WDR49: variants seen among roughly 807,000 people sequenced by gnomAD.
WDR49 encodes WD repeat domain 49.
In WDR49, 107 loss-of-function variants were observed where a neutral mutation model predicts 119.5. That is an observed-to-expected ratio of 0.90 (90% CI 0.77 to 1.05). WDR49 has a LOEUF of 1.05. WDR49 is among the 50% of genes least tolerant of loss of function. The probability of loss-of-function intolerance (pLI) is 0.00; values close to 1 mark genes in which losing one functional copy is unlikely to be tolerated. For missense variants in WDR49, 1,240 were observed against 1,220.5 expected (o/e 1.02, Z -0.24); for synonymous variants, 425 against 418.8 (o/e 1.01, Z -0.18).
At chr3:167,651,702 A>T (rs1440984280) in intron 2 of WDR49, among the ~76,000 whole-genome samples, 1 of 152,044 alleles carries the variant, frequency 6.6e-6, no homozygotes, top group African/African-American at 2.4e-5. Flanking sequence ...TTGGTCCATT[A>T]GTTCCTGCTT....
chr3:167,565,395 AC>A (rs1713536125), intron 8 of WDR49, among the ~76,000 whole-genome samples: 3 of 140,266 alleles, frequency 2.1e-5, no homozygotes, highest in African/African-American at 5.5e-5. Context: ...ACACACACAC[AC>A]ACACACACAC....
At chr3:167,527,543 T>G (rs1464174336) in intron 15 of WDR49, among the ~76,000 whole-genome samples, 4 of 152,100 alleles carry the variant, frequency 2.6e-5, no homozygotes, top group Non-Finnish European at 5.9e-5. Context: ...TTGAAGAAAT[T>G]TATTCTAGAG....
At chr3:167,505,177 G>A (rs1392681617) in intron 17 of WDR49, 130 bp downstream of exon 17, 6 of 1,175,162 alleles carry the variant, frequency 5.1e-6, no homozygotes, top group Non-Finnish European at 6.4e-6. Context: ...TGTTAAATGG[G>A]GTTCACAGAA....
Position 167,602,123 on chromosome 3 carries a change from T to C in WDR49, c.1275+4A>G. The C allele has an allele frequency of 6.3e-7, 1 of 1,584,098 alleles. No homozygotes were observed. Among genetic ancestry groups the C allele is most frequent in the Non-Finnish European group, 8.6e-7 (1 of 1,158,240 alleles). On this transcript the variant is annotated splice_donor_region_variant and intron_variant, in intron 7 of 18. Coordinates refer to ENST00000682715, the MANE Select transcript of WDR49 (RefSeq NM_001366157.1). ...AAATTAATTAAAAGCACAATGTTAC[T>C]TACTTTATCCTTGGAGAAGCTGAAA...
intron 16 of WDR49, among the ~76,000 whole-genome samples, chr3:167,513,166 T>C (rs1752053203): frequency 6.6e-6 from 1 of 151,736 alleles, no homozygotes. Context: ...CTTTCCAAGG[T>C]TAACATGAAG....
rs117504833 is a variant in WDR49 at position 167,628,991 on chromosome 3, C to T, written c.166-1699G>A. Among the ~76,000 whole-genome samples the T allele has an allele frequency of 0.01, 1,533 of 152,206 alleles. 84 individuals are homozygous for T. The East Asian group carries it at 0.14, about 14-fold the overall frequency. Reference sequence around the variant, plus strand: ...TGCTAAATCTGGCTGGGCACAGTGGCTCATGCCTATAATCCCAGAACTTTG... The same window carrying T: ...TGCTAAATCTGGCTGGGCACAGTGGTTCATGCCTATAATCCCAGAACTTTG... On this transcript the variant is annotated intron_variant, in intron 2 of 18. Coordinates refer to ENST00000682715, the MANE Select transcript of WDR49 (RefSeq NM_001366157.1).
At chr3:167,530,024 C>T (rs1300344347) in intron 13 of WDR49, among the ~76,000 whole-genome samples, 1 of 151,944 alleles carries the variant, frequency 6.6e-6, no homozygotes, top group Non-Finnish European at 1.5e-5. Context: ...ATACTGATAA[C>T]ATTAAAATTA....
chr3:167,563,215 G>T (rs1253416305), intron 8 of WDR49, among the ~76,000 whole-genome samples: 8 of 151,914 alleles, frequency 5.3e-5, no homozygotes, highest in Non-Finnish European at 1.0e-4. Flanking sequence ...TTAGCCAGGC[G>T]TGGTGGCGGG....
At chr3:167,635,839 A>G (rs573137300) in intron 2 of WDR49, among the ~76,000 whole-genome samples, 3 of 151,838 alleles carry the variant, frequency 2.0e-5, no homozygotes, top group South Asian at 4.1e-4. Context: ...ATAAATACAT[A>G]TTAAAGATGT....
chr3:167,529,416 C>A (rs548819136), intron 13 of WDR49, among the ~76,000 whole-genome samples, 177 bp from the exon 14 acceptor site: 2 of 152,040 alleles, frequency 1.3e-5, no homozygotes, highest in Non-Finnish European at 1.5e-5. Flanking sequence ...GCTATGATAA[C>A]CTCACTGGTT....
At chr3:167,621,700 T>C (rs1412605807) in intron 3 of WDR49, 57 bp from the exon 4 acceptor site, 6 of 1,457,936 alleles carry the variant, frequency 4.1e-6, no homozygotes, top group Non-Finnish European at 4.5e-6. Flanking sequence ...GCAAAATTAA[T>C]ATGCAAAGCA....
intron 18 of WDR49, among the ~76,000 whole-genome samples, chr3:167,489,555 A>C (rs1402087958): frequency 6.6e-6 from 1 of 152,150 alleles, no homozygotes; most frequent in African/African-American, 2.4e-5. Context: ...TGATAGCCAA[A>C]AGCTGTTTTC....
intron 18 of WDR49, among the ~76,000 whole-genome samples, chr3:167,484,710 A>T (rs985627096): frequency 6.7e-5 from 10 of 148,840 alleles, no homozygotes; most frequent in Non-Finnish European, 1.3e-4. Context: ...AAAAAAAGTG[A>T]TGTGTTCTTT....
intron 16 of WDR49, among the ~76,000 whole-genome samples, chr3:167,508,218 T>A (rs958593441): frequency 6.6e-6 from 1 of 152,216 alleles, no homozygotes; most frequent in East Asian, 1.9e-4. Context: ...AGGTACTTGA[T>A]AAAATATTTG....
At chr3:167,587,763 C>T (rs536404941) in intron 7 of WDR49, among the ~76,000 whole-genome samples, 4 of 152,180 alleles carry the variant, frequency 2.6e-5, no homozygotes, top group Admixed American at 2.0e-4. Flanking sequence ...GTATTACAAG[C>T]GTGAGGCACC....
At chr3:167,590,280 A>T (rs2108295571) in intron 7 of WDR49, among the ~76,000 whole-genome samples, 1 of 152,132 alleles carries the variant, frequency 6.6e-6, no homozygotes, top group East Asian at 1.9e-4. Flanking sequence ...TGATTTTTTA[A>T]ATGTGTTGTT....
Position 167,532,937 on chromosome 3 carries a change from TG to T in WDR49, c.1994del (p.Thr665LysfsTer16). On this transcript the variant is annotated frameshift_variant, in exon 12 of 19. Transcript: ENST00000682715. LOFTEE classifies it high-confidence loss of function. ...GGTGAAGAACATGGTGAGCATTCTC[TG>T]TGCTATTGTTCCATAGAACAATTTC... ...DGEIVLWNNS[T>X]ENAHHVLHPD... is the part of the protein sequence containing the mutation. The T allele has an allele frequency of 1.2e-6, 2 of 1,609,924 alleles. No individual in the cohort carries two copies. The highest frequency in any genetic ancestry group is 1.7e-6 in the Non-Finnish European group (2 of 1,177,148).
At chr3:167,609,888 T>G (rs1009270206) in intron 5 of WDR49, among the ~76,000 whole-genome samples, 1 of 152,140 alleles carries the variant, frequency 6.6e-6, no homozygotes, top group Non-Finnish European at 1.5e-5. Flanking sequence ...GTCAGAGTTG[T>G]GAGGCTCCTG....
intron 10 of WDR49, among the ~76,000 whole-genome samples, chr3:167,548,581 A>G (rs968511570): frequency 1.3e-5 from 2 of 152,018 alleles, no homozygotes; most frequent in African/African-American, 4.8e-5. Context: ...TATCAATCAT[A>G]TCTACACACT....
Sources: gnomAD v4.1 joint callset for allele counts (sites outside exome capture counted in the v4.1 genomes callset) on GRCh38, gnomAD v4.1.1 for gene constraint, MANE v1.5 for transcripts, NCBI Gene and HGNC (gene_info 2026-07-23, HGNC 2026-07-21) for gene names.